Variants in LRRC8B observed in about 807,000 individuals in gnomAD.
LRRC8B encodes the protein volume-regulated anion channel subunit LRRC8B.
A neutral mutation model predicts 58.8 loss-of-function variants in LRRC8B; 23 were observed. That is an observed-to-expected ratio of 0.39 (90% confidence interval 0.28 to 0.55). The LOEUF (loss-of-function observed/expected upper bound fraction) is 0.55, where lower values mean the gene tolerates loss of function less well. LRRC8B is among the 20% of genes least tolerant of loss of function. LRRC8B has a pLI of 0.62. For synonymous variants in LRRC8B, 359 were observed against 374.1 expected, an observed-to-expected ratio of 0.96 and a Z score of 0.47; for missense variants, 694 against 936.0, an observed-to-expected ratio of 0.74 and a Z score of 3.37.
chr1:89,581,196 G>A (rs1002661849), intron 4 of LRRC8B, among the ~76,000 whole-genome samples: 2 of 151,106 alleles, frequency 1.3e-5, no homozygotes, highest in African/African-American at 4.9e-5. Context: ...CTGCTCGGGA[G>A]GCTGAGGCGG....
intron 1 of LRRC8B, among the ~76,000 whole-genome samples, chr1:89,535,646 A>G (rs978493250): frequency 2.1e-4 from 32 of 152,220 alleles, no homozygotes; most frequent in African/African-American, 7.7e-4. Flanking sequence ...CTCACCTAGA[A>G]TAGTAAGAAA....
rs138078313 is a variant in LRRC8B at position 89,581,532 on chromosome 1, T to C, written c.-26-1093T>C. Among the ~76,000 whole-genome samples, 127 of 152,298 alleles carry C rather than the reference T, an allele frequency of 8.3e-4. 1 individual carries two copies. The highest frequency in any genetic ancestry group is 3.0e-3 in the African/African-American group (124 of 41,578). On this transcript the variant is annotated intron_variant, in intron 4 of 5. Coordinates refer to ENST00000330947, the MANE Select transcript of LRRC8B (RefSeq NM_001369817.2). ...ACTTTACTCTGTGCCATCTTATAGA[T>C]CATCTGGATTTTACTGATTAGCAAT...
At position 89,595,950 on chromosome 1, in the gene LRRC8B, C is replaced by G. The variant is rs923146308; in HGVS notation, c.*2907C>G. The G allele has an allele frequency of 1.3e-5, 2 of 152,064 alleles. No homozygotes were observed. The highest frequency in any genetic ancestry group is 2.9e-5 in the Non-Finnish European group (2 of 67,952). The allele number at this position is 152,064 out of a possible 1,614,324, so 9.4% of individuals were successfully genotyped here. A position where few individuals can be genotyped will look rare whatever the true frequency, so the allele number is the denominator to read the frequency against. ...TGTGGAGGTTATTCAGAACAAAATT[C>G]ATAGCTTACGGTAGTAATGGCATGG... On this transcript the variant is annotated 3_prime_UTR_variant, in exon 6 of 6. Coordinates refer to ENST00000330947, the MANE Select transcript of LRRC8B (RefSeq NM_001369817.2).
intron 1 of LRRC8B, among the ~76,000 whole-genome samples, chr1:89,525,421 A>C: frequency 6.6e-6 from 1 of 152,298 alleles, no homozygotes; most frequent in Non-Finnish European, 1.5e-5. Context: ...CTCGCTCCAG[A>C]TGAGCGCAAC....
chr1:89,582,923 C>T lies in LRRC8B; in HGVS notation c.273C>T (p.Leu91=), dbSNP rs768270761. ...CTGGGACACCGCTTCCGCTCCCCCT[C>T]CGAATTCAGAATGACCTCCACCGAC... ...SNPGTPLPLP[L]RIQNDLHRQQ... is the part of the protein sequence containing the mutation. The change falls in exon 5 of 6, where the codon CTC becomes CTT. Residue 91 remains leucine (L), a synonymous_variant. Transcript: ENST00000330947. 2.5e-5 allele frequency: 40 copies of T among 1,614,066 alleles called. No homozygotes were observed. Among genetic ancestry groups the T allele is most frequent in the Admixed American group, 1.3e-4 (8 of 60,004 alleles).
In LRRC8B at chr1:89,582,876, A is replaced by G. The variant is rs766369240; in HGVS notation, c.226A>G (p.Ser76Gly). The change falls in exon 5 of 6, where the codon AGC (serine) becomes GGC (glycine). Residue 76 changes from serine to glycine, a missense_variant. Physicochemically the swap from Ser to Gly is moderately conservative, Grantham distance 56 (BLOSUM62 0). Transcript: ENST00000330947. ...CGTGCCTTGGGACATCCTGAAAGCCAGCATGAACACATCCTCTAATCCTGG... is the reference window on the plus strand; with the variant it reads ...CGTGCCTTGGGACATCCTGAAAGCCGGCATGAACACATCCTCTAATCCTGG... ...CAVPWDILKA[S>G]MNTSSNPGTP... 1 of 1,614,222 alleles carries G rather than the reference A, an allele frequency of 6.2e-7. No individual in the cohort carries two copies. Among genetic ancestry groups the G allele is most frequent in the Non-Finnish European group, 8.5e-7 (1 of 1,180,036 alleles).
intron 1 of LRRC8B, among the ~76,000 whole-genome samples, chr1:89,562,615 C>T (rs1358572909): frequency 1.3e-5 from 2 of 152,114 alleles, no homozygotes; most frequent in East Asian, 3.8e-4. Context: ...GGAGTACAGG[C>T]AGGCGCCACT....
chr1:89,583,805 C>T lies in LRRC8B; in HGVS notation c.1155C>T (p.Ser385=). The T allele has an allele frequency of 3.1e-6, 5 of 1,614,172 alleles. No homozygotes were observed. The highest frequency in any genetic ancestry group is 4.2e-6 in the Non-Finnish European group (5 of 1,180,032). The change falls in exon 5 of 6, where the codon TCC becomes TCT. Residue 385 remains serine, a synonymous_variant. Transcript: ENST00000330947. The surrounding 1 kb of genome is among the most constrained non-coding windows in gnomAD (Gnocchi z 5.2). ...QYDPLYSKRF[S]IFLSEVSENK... is the part of the protein sequence containing the mutation. ...ATCCTCTTTATTCCAAACGCTTCTC[C>T]ATATTCCTATCAGAGGTCAGTGAGA...
At chr1:89,560,550 C>T (rs1348958184) in intron 1 of LRRC8B, among the ~76,000 whole-genome samples, 8 of 149,708 alleles carry the variant, frequency 5.3e-5, no homozygotes, top group Non-Finnish European at 1.2e-4. Flanking sequence ...CCCCACCCCA[C>T]CACAGTCCCC....
Position 89,540,975 on chromosome 1 carries a change from T to G in LRRC8B, c.-241+15953T>G, listed in dbSNP as rs189140155. Among the ~76,000 whole-genome samples the G allele has an allele frequency of 3.3e-5, 5 of 152,356 alleles. No homozygotes were observed. The East Asian group carries it at 9.6e-4, about 29-fold the overall frequency. ...TTTTTCAGAGAAGGAGTGGATTAAG[T>G]TTTGAACCAGATGATTTGGGGTCAA... is the stretch of plus-strand genomic sequence containing the variant. On this transcript the variant is annotated intron_variant, in intron 1 of 5. Transcript: ENST00000330947.
At chr1:89,539,548 A>G (rs1650797925) in intron 1 of LRRC8B, among the ~76,000 whole-genome samples, 1 of 152,196 alleles carries the variant, frequency 6.6e-6, no homozygotes, top group South Asian at 2.1e-4. Flanking sequence ...TCTACCCAGG[A>G]GTCATGAAGG....
intron 1 of LRRC8B, among the ~76,000 whole-genome samples, chr1:89,554,822 C>T (rs550922338): frequency 6.6e-6 from 1 of 152,074 alleles, no homozygotes; most frequent in Admixed American, 6.6e-5. Context: ...AAAAAAACTA[C>T]ACTTGTAGTT....
At chr1:89,568,884 C>T (rs903186896) in intron 3 of LRRC8B, among the ~76,000 whole-genome samples, 5 of 152,084 alleles carry the variant, frequency 3.3e-5, no homozygotes, top group African/African-American at 1.2e-4. Context: ...TTTAATGCTA[C>T]CATAGATTTG....
intron 1 of LRRC8B, among the ~76,000 whole-genome samples, chr1:89,557,166 A>G (rs963645113): frequency 1.3e-5 from 2 of 152,070 alleles, no homozygotes; most frequent in African/African-American, 2.4e-5. Flanking sequence ...GTGACATTCT[A>G]TGTTTGGGCC....
At chr1:89,565,499 A>T (rs1388410451) in intron 1 of LRRC8B, among the ~76,000 whole-genome samples, 1 of 152,204 alleles carries the variant, frequency 6.6e-6, no homozygotes, top group Non-Finnish European at 1.5e-5. Flanking sequence ...TCCCTGAAGG[A>T]TGAAGACTTA....
intron 5 of LRRC8B, among the ~76,000 whole-genome samples, chr1:89,589,583 T>G (rs1163401567): frequency 2.0e-5 from 3 of 151,680 alleles, no homozygotes; most frequent in Non-Finnish European, 2.9e-5. Context: ...CTTATATTAG[T>G]TTGAAGACTT....
chr1:89,560,358 G>A (rs887321066), intron 1 of LRRC8B, among the ~76,000 whole-genome samples: 12 of 151,676 alleles, frequency 7.9e-5, no homozygotes, highest in Admixed American at 4.6e-4. Flanking sequence ...TCATATATAA[G>A]GCTTTAATAT....
At chr1:89,530,185 CA>C (rs1650008326) in intron 1 of LRRC8B, among the ~76,000 whole-genome samples, 2 of 135,788 alleles carry the variant, frequency 1.5e-5, no homozygotes, top group Non-Finnish European at 1.6e-5. Flanking sequence ...CCCGTCTCTA[CA>C]AAAAATACAA....
chr1:89,540,517 T>A (rs964936110), intron 1 of LRRC8B, among the ~76,000 whole-genome samples: 10 of 152,220 alleles, frequency 6.6e-5, no homozygotes, highest in Non-Finnish European at 1.0e-4. Context: ...TCCCCAGTCA[T>A]GTCAGCTTTT....
Sources: gnomAD v4.1 joint callset for allele counts (sites outside exome capture counted in the v4.1 genomes callset) on GRCh38, gnomAD v4.1.1 for gene constraint, Gnocchi (gnomAD v3.1) non-coding constraint, MANE v1.5 for transcripts, NCBI Gene and HGNC (gene_info 2026-07-23, HGNC 2026-07-21) for gene names.